The following DAPK1 variants were observed in gnomAD, a reference collection of about 807,000 sequenced individuals.
DAPK1 encodes death associated protein kinase 1.
DAPK1 carries 56 observed loss-of-function variants against 144.9 expected under a neutral mutation model. The observed-to-expected ratio is 0.39, with a 90% CI of 0.31 to 0.48. DAPK1 has a LOEUF of 0.48. Among genes scored for constraint, DAPK1 ranks in the 20% least tolerant of loss-of-function variants. The probability of loss-of-function intolerance (pLI) is 0.95; values close to 1 mark genes in which losing one functional copy is unlikely to be tolerated. For missense variants in DAPK1, 1,454 were observed against 1,875.4 expected (o/e 0.78, Z 4.15); for synonymous variants, 690 against 749.0 (o/e 0.92, Z 1.29).
intron 11 of DAPK1, among the ~76,000 whole-genome samples, chr9:87,645,523 G>C (rs933199118): frequency 6.6e-6 from 1 of 152,134 alleles, no homozygotes; most frequent in Non-Finnish European, 1.5e-5. Context: ...TCCTTATCCA[G>C]GAAGAGAGTC....
intron 16 of DAPK1, 82 bp from the exon 17 acceptor site, chr9:87,651,445 T>C: frequency 7.2e-7 from 1 of 1,390,020 alleles, no homozygotes; most frequent in South Asian, 1.2e-5. Flanking sequence ...TAAACCTCAC[T>C]CGATGGCGGC....
chr9:87,659,965 T>G (rs1457341682), intron 18 of DAPK1, among the ~76,000 whole-genome samples: 1 of 152,082 alleles, frequency 6.6e-6, no homozygotes, highest in Non-Finnish European at 1.5e-5. Context: ...TCAATTACAG[T>G]CACTGAATGG....
chr9:87,683,527 T>A (rs1587842397), intron 20 of DAPK1, among the ~76,000 whole-genome samples: 2 of 151,124 alleles, frequency 1.3e-5, no homozygotes, highest in African/African-American at 4.9e-5. Flanking sequence ...GAGAGAGAGG[T>A]CATGAGCTCA....
rs1827334655 is a variant in DAPK1 at position 87,571,464 on chromosome 9, C to CCCCA, written c.63-33490_63-33489insCCCA. Among the ~76,000 whole-genome samples the CCCCA allele has an allele frequency of 2.2e-4, 14 of 62,790 alleles. 2 individuals carry two copies. The highest frequency in any genetic ancestry group is 9.8e-4 in the African/African-American group (12 of 12,246). 41.2% of individuals were successfully genotyped at this position (62,790 alleles called of 152,430 possible). ...ACACACACACACACACACACACACACACACACACACCAACACACACACACA... is the reference window on the plus strand; with the variant it reads ...ACACACACACACACACACACACACACCCCAACACACACACCAACACACACACACA... On this transcript the variant is annotated intron_variant, in intron 2 of 25. Coordinates refer to ENST00000408954, the MANE Select transcript of DAPK1 (RefSeq NM_004938.4).
chr9:87,698,465 T>A (rs2274602), intron 22 of DAPK1, 191 bp from the exon 23 acceptor site: 19,635 of 556,080 alleles, frequency 0.035, 1,400 homozygotes, highest in African/African-American at 0.19. Flanking sequence ...GCTTATCCTG[T>A]CGTTGGCCAT....
At chr9:87,678,282 CTAACTGTA>C (rs1824475497) in intron 19 of DAPK1, among the ~76,000 whole-genome samples, 1 of 152,200 alleles carries the variant, frequency 6.6e-6, no homozygotes, top group African/African-American at 2.4e-5. Context: ...GTAGCATGCC[CTAACTGTA>C]ATATAACACA....
chr9:87,554,049 C>T (rs749130264), intron 2 of DAPK1: 15 of 148,774 alleles, frequency 1.0e-4, no homozygotes, highest in Non-Finnish European at 1.8e-4. Flanking sequence ...TATGTGCTCC[C>T]CTTTTCAGAA....
intron 9 of DAPK1, 92 bp downstream of exon 9, chr9:87,640,939 ACAG>A: frequency 1.6e-6 from 2 of 1,219,634 alleles, no homozygotes; most frequent in South Asian, 1.2e-5. Context: ...ACTGCTAACC[ACAG>A]GTCACACCTG....
intron 2 of DAPK1, among the ~76,000 whole-genome samples, chr9:87,508,470 G>C (rs1038415553): frequency 1.3e-5 from 2 of 151,876 alleles, no homozygotes; most frequent in African/African-American, 4.8e-5. Context: ...AGCCTCCCGA[G>C]TAGCTGGGAC....
intron 19 of DAPK1, among the ~76,000 whole-genome samples, chr9:87,674,868 A>G (rs1479899760): frequency 2.6e-5 from 4 of 152,234 alleles, no homozygotes; most frequent in Admixed American, 1.3e-4. Flanking sequence ...AAGAAAGAAA[A>G]GTAGAAACTA....
intron 25 of DAPK1, among the ~76,000 whole-genome samples, chr9:87,703,493 G>T (rs996201535): frequency 1.3e-5 from 2 of 152,086 alleles, no homozygotes; most frequent in African/African-American, 4.8e-5. Context: ...CACTGCCCTG[G>T]GTGACTGGGT....
intron 2 of DAPK1, among the ~76,000 whole-genome samples, chr9:87,552,286 A>G (rs1419361480): frequency 6.6e-6 from 1 of 151,946 alleles, no homozygotes. Flanking sequence ...TTCTGTACCT[A>G]GGACTTCAGT....
At chr9:87,501,507 T>C (rs1030054827) in intron 2 of DAPK1, among the ~76,000 whole-genome samples, 1 of 151,814 alleles carries the variant, frequency 6.6e-6, no homozygotes, top group African/African-American at 2.4e-5. Flanking sequence ...ATCGCGCCAC[T>C]GCCCTCCAGC....
chr9:87,525,032 C>T (rs769499512), intron 2 of DAPK1, among the ~76,000 whole-genome samples: 2 of 152,136 alleles, frequency 1.3e-5, no homozygotes, highest in Non-Finnish European at 2.9e-5. Context: ...TCCCCAATAA[C>T]CTATGGAGAT....
At chr9:87,602,328 G>A (rs986513513) in intron 2 of DAPK1, among the ~76,000 whole-genome samples, 6 of 152,118 alleles carry the variant, frequency 3.9e-5, no homozygotes, top group Admixed American at 1.3e-4. Flanking sequence ...AGCACTTTTC[G>A]TATGGGGACC....
intron 17 of DAPK1, among the ~76,000 whole-genome samples, chr9:87,654,757 G>A (rs188042124): frequency 6.6e-6 from 1 of 152,286 alleles, no homozygotes; most frequent in East Asian, 1.9e-4. Flanking sequence ...GCACCCAGGG[G>A]TCTACTATGT....
At chr9:87,624,112 A>C (rs1829405613) in intron 3 of DAPK1, among the ~76,000 whole-genome samples, 1 of 152,262 alleles carries the variant, frequency 6.6e-6, no homozygotes, top group East Asian at 1.9e-4. Context: ...CAAATCTGAA[A>C]TTAGGACAAG....
chr9:87,532,436 G>A (rs746842631), intron 2 of DAPK1, among the ~76,000 whole-genome samples: 1 of 152,188 alleles, frequency 6.6e-6, no homozygotes. Context: ...CCTCAAACCT[G>A]AGAATATTTA....
At chr9:87,698,626 C>G in intron 22 of DAPK1, 30 bp from the exon 23 acceptor site, 1 of 1,537,200 alleles carries the variant, frequency 6.5e-7, no homozygotes, top group Non-Finnish European at 9.0e-7. Context: ...GAGGACCCAC[C>G]CCCTGAAGCA....
Sources: gnomAD v4.1 joint callset for allele counts (sites outside exome capture counted in the v4.1 genomes callset) on GRCh38, gnomAD v4.1.1 for gene constraint, MANE v1.5 for transcripts, NCBI Gene and HGNC (gene_info 2026-07-23, HGNC 2026-07-21) for gene names.